The following DSCAM variants were observed in gnomAD, a reference collection of about 807,000 sequenced individuals.
The protein encoded by DSCAM is cell adhesion molecule DSCAM.
A neutral mutation model predicts 217.7 loss-of-function variants in DSCAM; 47 were observed. That is an observed-to-expected ratio of 0.22 (90% confidence interval 0.17 to 0.28). The LOEUF (loss-of-function observed/expected upper bound fraction) is 0.28. Ranked by LOEUF, DSCAM falls within the 10% of genes least tolerant of loss-of-function variation. The probability of loss-of-function intolerance (pLI) is 1.00; values close to 1 mark genes in which losing one functional copy is unlikely to be tolerated. For synonymous variants in DSCAM, 1,056 were observed against 1,015.3 expected, an observed-to-expected ratio of 1.04 and a Z score of -0.76; for missense variants, 2,080 against 2,618.3, an observed-to-expected ratio of 0.79 and a Z score of 4.49.
Position 40,416,054 on chromosome 21 carries a change from A to AT in DSCAM, c.509-46810dup, listed in dbSNP as rs529925235. On this transcript the variant is annotated intron_variant, in intron 3 of 32. Coordinates refer to ENST00000400454, the MANE Select transcript of DSCAM (RefSeq NM_001389.5). ...TTCATCAGTTTTTCTGTGCAAATAT[A>AT]TTTTTTTCAATAAAATGACCTGCAC... Among the ~76,000 whole-genome samples, 718 of 152,270 alleles carry AT rather than the reference A, an allele frequency of 4.7e-3. 12 individuals carry two copies. Among genetic ancestry groups the AT allele is most frequent in the African/African-American group, 0.017 (688 of 41,558 alleles).
chr21:40,331,570 C>G (rs962146932), intron 8 of DSCAM, among the ~76,000 whole-genome samples: 1 of 152,160 alleles, frequency 6.6e-6, no homozygotes, highest in Admixed American at 6.5e-5. Context: ...ATGTGCAGAA[C>G]AGTGTCCCTG....
chr21:40,761,683 G>A (rs191102382), intron 1 of DSCAM, among the ~76,000 whole-genome samples: 2 of 152,296 alleles, frequency 1.3e-5, no homozygotes, highest in East Asian at 3.9e-4. Flanking sequence ...AATACAGAGA[G>A]AAACGATCCC....
At chr21:40,426,772 C>T (rs773789788) in intron 3 of DSCAM, among the ~76,000 whole-genome samples, 2 of 152,094 alleles carry the variant, frequency 1.3e-5, no homozygotes, top group Admixed American at 6.5e-5. Flanking sequence ...GCAAACATGA[C>T]AATGGGAATG....
At chr21:40,644,100 T>C (rs2089915820) in intron 3 of DSCAM, among the ~76,000 whole-genome samples, 1 of 152,148 alleles carries the variant, frequency 6.6e-6, no homozygotes, top group South Asian at 2.1e-4. Context: ...ATTCAGAATG[T>C]GGGTGACTTC....
At chr21:40,227,669 G>A (rs2091345495) in intron 11 of DSCAM, among the ~76,000 whole-genome samples, 1 of 151,974 alleles carries the variant, frequency 6.6e-6, no homozygotes, top group Non-Finnish European at 1.5e-5. Context: ...TCTTCTATTT[G>A]GTTTTTCAAA....
chr21:40,379,764 T>C (rs1383088235), intron 3 of DSCAM, among the ~76,000 whole-genome samples: 1 of 152,204 alleles, frequency 6.6e-6, no homozygotes, highest in Non-Finnish European at 1.5e-5. Context: ...GTTTAGAAGA[T>C]ATACATACTT....
chr21:40,828,701 G>T (rs1336600952), intron 1 of DSCAM, among the ~76,000 whole-genome samples: 1 of 150,074 alleles, frequency 6.7e-6, no homozygotes, highest in African/African-American at 2.5e-5. Flanking sequence ...TGTCACCCAG[G>T]CTGGGGTGCA....
At chr21:40,724,097 C>T (rs2090930083) in intron 1 of DSCAM, among the ~76,000 whole-genome samples, 1 of 152,112 alleles carries the variant, frequency 6.6e-6, no homozygotes, top group Non-Finnish European at 1.5e-5. Context: ...ATTAACATTG[C>T]TAGGGGTTAA....
chr21:40,589,599 C>A (rs953117658), intron 3 of DSCAM, among the ~76,000 whole-genome samples: 6 of 151,972 alleles, frequency 3.9e-5, no homozygotes, highest in East Asian at 3.9e-4. Context: ...AAAAAACACA[C>A]AAAAAACAAA....
intron 3 of DSCAM, among the ~76,000 whole-genome samples, chr21:40,511,219 A>G (rs2076254787): frequency 6.6e-6 from 1 of 152,224 alleles, no homozygotes; most frequent in African/African-American, 2.4e-5. Flanking sequence ...AGGAAAGCAG[A>G]ACAGATATGA....
At chr21:40,502,865 T>C (rs1022238760) in intron 3 of DSCAM, among the ~76,000 whole-genome samples, 2 of 152,178 alleles carry the variant, frequency 1.3e-5, no homozygotes, top group Admixed American at 1.3e-4. Flanking sequence ...CTAACATATA[T>C]ATTAGTAATA....
chr21:40,017,021 C>G (rs574569208), intron 32 of DSCAM, among the ~76,000 whole-genome samples: 11 of 150,848 alleles, frequency 7.3e-5, no homozygotes, highest in Non-Finnish European at 1.6e-4. Flanking sequence ...GAGGCTGAGG[C>G]AGGAGAATCT....
At chr21:40,664,811 C>A (rs190583614) in intron 3 of DSCAM, among the ~76,000 whole-genome samples, 6 of 152,284 alleles carry the variant, frequency 3.9e-5, no homozygotes. Context: ...GGATGTTTGT[C>A]CCCTCCAAAT....
chr21:40,245,244 C>T (rs548876983), intron 11 of DSCAM, among the ~76,000 whole-genome samples: 7 of 152,280 alleles, frequency 4.6e-5, no homozygotes, highest in Non-Finnish European at 8.8e-5. Context: ...CAAAGCTGTG[C>T]ATTTGGTCTG....
At chr21:40,253,618 G>C (rs1256551903) in intron 11 of DSCAM, among the ~76,000 whole-genome samples, 1 of 152,216 alleles carries the variant, frequency 6.6e-6, no homozygotes, top group Non-Finnish European at 1.5e-5. Flanking sequence ...AGAGGGGCTA[G>C]AAATAGATCT....
intron 14 of DSCAM, among the ~76,000 whole-genome samples, chr21:40,183,349 C>G (rs2090858810): frequency 6.6e-6 from 1 of 152,192 alleles, no homozygotes; most frequent in Non-Finnish European, 1.5e-5. Context: ...GCAACCAAGG[C>G]AACCTGTGTA....
At chr21:40,206,701 AT>A (rs1349403839) in intron 11 of DSCAM, among the ~76,000 whole-genome samples, 2 of 151,794 alleles carry the variant, frequency 1.3e-5, no homozygotes, top group East Asian at 1.9e-4. Context: ...AAAAAAAAAA[AT>A]GTTCAAAAGA....
At chr21:40,805,480 T>G (rs894589998) in intron 1 of DSCAM, among the ~76,000 whole-genome samples, 5 of 152,102 alleles carry the variant, frequency 3.3e-5, no homozygotes, top group Admixed American at 1.3e-4. Flanking sequence ...AGTAACTCAT[T>G]CCCTTGGCTC....
At chr21:40,784,344 G>GCTGC (rs2091574073) in intron 1 of DSCAM, among the ~76,000 whole-genome samples, 1 of 152,246 alleles carries the variant, frequency 6.6e-6, no homozygotes, top group Admixed American at 6.5e-5. Flanking sequence ...TTTCTTGTCT[G>GCTGC]CTGCCGTGTA....
Sources: allele counts gnomAD v4.1 joint callset (sites outside exome capture counted in the v4.1 genomes callset), GRCh38; gene constraint gnomAD v4.1.1; transcripts MANE v1.5; gene names NCBI Gene and HGNC (gene_info 2026-07-23, HGNC 2026-07-21).